Variants in UROS observed in about 807,000 individuals in gnomAD.
UROS encodes the protein uroporphyrinogen-III synthase.
UROS carries 18 observed loss-of-function variants against 33.0 expected under a neutral mutation model. That is an observed-to-expected ratio of 0.55 (90% CI 0.38 to 0.81). The LOEUF (loss-of-function observed/expected upper bound fraction) is 0.81. UROS is among the 30% of genes least tolerant of loss of function. The pLI, the probability that UROS is intolerant of heterozygous loss-of-function variation, is 0.00. For missense variants in UROS, 293 were observed against 314.9 expected, an observed-to-expected ratio of 0.93 and a Z score of 0.53; for synonymous variants, 114 against 121.1, an observed-to-expected ratio of 0.94 and a Z score of 0.38.
At chr10:125,801,901 G>C (rs898853069) in intron 6 of UROS, among the ~76,000 whole-genome samples, 8 of 152,192 alleles carry the variant, frequency 5.3e-5, no homozygotes, top group Non-Finnish European at 1.2e-4. Context: ...CAACGACTCA[G>C]AGGTTCACTT....
downstream of UROS, among the ~76,000 whole-genome samples, chr10:125,786,073 T>C (rs1429331359): frequency 6.6e-6 from 1 of 152,138 alleles, no homozygotes; most frequent in Non-Finnish European, 1.5e-5. Flanking sequence ...GTGGCCCTAC[T>C]GCCACTCAGG....
At position 125,788,742 on chromosome 10, in the gene UROS, C is replaced by T; in HGVS notation, c.*126G>A. 6.9e-7 allele frequency: 1 copy of T among 1,451,976 alleles called. No individual in the cohort carries two copies. Among genetic ancestry groups the T allele is most frequent in the East Asian group, 2.5e-5 (1 of 40,158 alleles). The allele number at this position is 1,451,976 out of a possible 1,614,324, so 89.9% of individuals were successfully genotyped here. On this transcript the variant is annotated 3_prime_UTR_variant, in exon 10 of 10. Coordinates refer to ENST00000368797, the MANE Select transcript of UROS (RefSeq NM_000375.3). ...GGTCCCGATCCCCGGTCCTCAGGTG[C>T]TTCCACTCAGGCTTGAGGCAGGAGT...
intron 5 of UROS, among the ~76,000 whole-genome samples, chr10:125,807,790 C>CAGATATACTGTTTTAAGGATT (rs1852462150): frequency 6.6e-6 from 1 of 151,952 alleles, no homozygotes; most frequent in Admixed American, 6.6e-5. Flanking sequence ...TTTTAAGGAT[C>CAGATATACTGTTTTAAGGATT]GTGTCAGATA....
chr10:125,789,200 C>T, intron 9 of UROS, 195 bp from the exon 10 acceptor site: 2 of 1,439,436 alleles, frequency 1.4e-6, no homozygotes, highest in South Asian at 1.4e-5. Context: ...TGCATCCACG[C>T]TCTCATCAGT....
At chr10:125,816,637 C>G (rs1853354982) in intron 1 of UROS, 112 bp from the exon 2 acceptor site, 2 of 990,266 alleles carry the variant, frequency 2.0e-6, no homozygotes, top group South Asian at 1.4e-5. Flanking sequence ...GTGGAAGAGA[C>G]CTATCCCTCC....
intron 5 of UROS, among the ~76,000 whole-genome samples, chr10:125,810,802 TA>T (rs1852739093): frequency 6.6e-6 from 1 of 152,226 alleles, no homozygotes; most frequent in South Asian, 2.1e-4. Context: ...AAAGGTGAGC[TA>T]AAATAGAATG....
intron 5 of UROS, among the ~76,000 whole-genome samples, chr10:125,811,075 T>A (rs1440133018): frequency 6.6e-6 from 1 of 152,206 alleles, no homozygotes; most frequent in African/African-American, 2.4e-5. Context: ...AAGACATAGA[T>A]GCTCATCATT....
chr10:125,799,363 T>C (rs4962489), intron 6 of UROS, among the ~76,000 whole-genome samples: 1 of 152,214 alleles, frequency 6.6e-6, no homozygotes, highest in Non-Finnish European at 1.5e-5. Context: ...TTCAAAGCCA[T>C]GTTCAGAGGC....
chr10:125,818,893 A>C (rs1335516971), intron 1 of UROS, among the ~76,000 whole-genome samples: 15 of 152,188 alleles, frequency 9.9e-5, no homozygotes, highest in Admixed American at 9.8e-4. Flanking sequence ...AGAATGATTA[A>C]TTTTCCTTAA....
chr10:125,813,739 A>G (rs1331153920), intron 4 of UROS, among the ~76,000 whole-genome samples: 5 of 152,208 alleles, frequency 3.3e-5, no homozygotes, highest in African/African-American at 1.2e-4. Flanking sequence ...TTGGCCTCCC[A>G]AAGTGCTGGG....
At chr10:125,822,808 G>C (rs1276534389) in intron 1 of UROS, among the ~76,000 whole-genome samples, 1 of 152,182 alleles carries the variant, frequency 6.6e-6, no homozygotes, top group East Asian at 1.9e-4. Flanking sequence ...AAACTTTTAG[G>C]TCAAGAAATG....
intron 9 of UROS, chr10:125,791,515 GA>G (rs1332835380): frequency 6.6e-6 from 1 of 152,090 alleles, no homozygotes; most frequent in Admixed American, 6.5e-5. Context: ...TGTCCACACA[GA>G]AAATTGTATT....
At chr10:125,817,183 C>CT (rs1470469972) in intron 1 of UROS, among the ~76,000 whole-genome samples, 2 of 133,592 alleles carry the variant, frequency 1.5e-5, no homozygotes, top group African/African-American at 2.8e-5. Flanking sequence ...GAATGTGGCT[C>CT]TTATCTTAAT....
At position 125,816,259 on chromosome 10, in the gene UROS, T is replaced by A; in HGVS notation, c.65A>T (p.Glu22Val). Residue 22 changes from glutamate to valine, a missense_variant and splice_region_variant, in exon 3 of 10, where the codon GAA (glutamate) becomes GTA (valine). Coordinates refer to ENST00000368797, the MANE Select transcript of UROS (RefSeq NM_000375.3). Reference sequence around the variant, plus strand: ...GGCTTCAAGTCCATATAATCCTAATTCCTGAAATGAAAGAATATAGTTCTG... The same window carrying A: ...GGCTTCAAGTCCATATAATCCTAATACCTGAAATGAAAGAATATAGTTCTG... Reference protein sequence around the residue: ...DDCGQDPYIRELGLYGLEATL... With the variant: ...DDCGQDPYIRVLGLYGLEATL... 1 of 1,614,020 alleles carries A rather than the reference T, an allele frequency of 6.2e-7. No individual in the cohort carries two copies. The highest frequency in any genetic ancestry group is 8.5e-7 in the Non-Finnish European group (1 of 1,179,892).
chr10:125,819,023 C>T (rs1052582717), intron 1 of UROS, among the ~76,000 whole-genome samples: 8 of 152,220 alleles, frequency 5.3e-5, no homozygotes, highest in South Asian at 4.1e-4. Flanking sequence ...CCTGCTCTGT[C>T]GCCCAGGCTG....
chr10:125,800,259 C>T (rs1473767269), intron 6 of UROS, among the ~76,000 whole-genome samples: 1 of 152,228 alleles, frequency 6.6e-6, no homozygotes, highest in African/African-American at 2.4e-5. Flanking sequence ...GATTGCTGGT[C>T]CCAGATGAAA....
chr10:125,808,387 GA>G (rs1436398953), intron 5 of UROS, among the ~76,000 whole-genome samples: 2 of 151,404 alleles, frequency 1.3e-5, no homozygotes, highest in Non-Finnish European at 2.9e-5. Flanking sequence ...TGAATCAAAA[GA>G]AAAATAAAGC....
intron 1 of UROS, among the ~76,000 whole-genome samples, chr10:125,817,607 C>T (rs1444869469): frequency 1.4e-5 from 2 of 138,840 alleles, no homozygotes; most frequent in Non-Finnish European, 3.1e-5. Flanking sequence ...CTGAGTGACT[C>T]AAAGAAGATA....
chr10:125,796,594 C>T (rs966620796), intron 7 of UROS, among the ~76,000 whole-genome samples: 3 of 152,216 alleles, frequency 2.0e-5, no homozygotes, highest in African/African-American at 7.2e-5. Context: ...GCCTGGAGTC[C>T]AGATCCCCGG....
Sources: gnomAD v4.1 joint callset for allele counts (sites outside exome capture counted in the v4.1 genomes callset) on GRCh38, gnomAD v4.1.1 for gene constraint, MANE v1.5 for transcripts, NCBI Gene and HGNC (gene_info 2026-07-23, HGNC 2026-07-21) for gene names.